CTNND2: variants seen among roughly 807,000 people sequenced by gnomAD.
The protein encoded by CTNND2 is catenin delta-2.
CTNND2 carries 22 observed loss-of-function variants against 144.4 expected under a neutral mutation model. The observed-to-expected ratio is 0.15, with a 90% confidence interval of 0.11 to 0.22. The LOEUF (loss-of-function observed/expected upper bound fraction) is 0.22, where lower values mean the gene tolerates loss of function less well. Ranked by LOEUF, CTNND2 falls within the 10% of genes least tolerant of loss-of-function variation. The pLI is 1.00. For synonymous variants in CTNND2, 751 were observed against 695.6 expected, an observed-to-expected ratio of 1.08 and a Z score of -1.25; for missense variants, 1,353 against 1,618.8, an observed-to-expected ratio of 0.84 and a Z score of 2.82.
rs1446668077 is a variant in CTNND2, at chr5:11,880,538, C to CACT, written c.37+23276_37+23278dup. On this transcript the variant is annotated intron_variant, in intron 1 of 21. Transcript: ENST00000304623. ...CTACCACTACTACTACTACCACCAC[C>CACT]ACTACTACTACCACTACTACTGCTA... Among the ~76,000 whole-genome samples the CACT allele has an allele frequency of 1.3e-4, 18 of 137,202 alleles. No homozygotes were observed. In the South Asian group the frequency reaches 4.2e-3, roughly 32 times the overall value. The allele number at this position is 137,202 out of a possible 152,430, so 90.0% of individuals were successfully genotyped here.
chr5:11,537,609 A>G (rs1027715256), intron 3 of CTNND2, among the ~76,000 whole-genome samples: 4 of 152,146 alleles, frequency 2.6e-5, no homozygotes, highest in African/African-American at 7.2e-5. Context: ...CTGCTTTTAC[A>G]TGGAAAAGGA....
intron 16 of CTNND2, among the ~76,000 whole-genome samples, chr5:11,049,565 G>A (rs1745621951): frequency 6.6e-6 from 1 of 152,184 alleles, no homozygotes; most frequent in Non-Finnish European, 1.5e-5. Flanking sequence ...TGGCAAGCCT[G>A]CGAGTTTACC....
intron 12 of CTNND2, among the ~76,000 whole-genome samples, chr5:11,124,605 T>C (rs1228708231): frequency 5.9e-5 from 9 of 152,142 alleles, no homozygotes; most frequent in Admixed American, 3.9e-4. Context: ...CACTTTTTCT[T>C]CTCTCCTCCT....
chr5:11,363,680 T>C (rs117282769), intron 8 of CTNND2, among the ~76,000 whole-genome samples: 2 of 152,358 alleles, frequency 1.3e-5, no homozygotes, highest in East Asian at 3.9e-4. Context: ...AATAATCAAC[T>C]ATAAAAGCAG....
intron 1 of CTNND2, among the ~76,000 whole-genome samples, chr5:11,785,679 A>C (rs1790792363): frequency 1.3e-5 from 2 of 152,060 alleles, no homozygotes; most frequent in African/African-American, 4.8e-5. Context: ...CCTAAAAATT[A>C]TTATCAAAAT....
chr5:11,364,807 C>G lies in CTNND2; in HGVS notation c.1261G>C (p.Asp421His), dbSNP rs767542105. 3 of 1,613,952 alleles carry G rather than the reference C, an allele frequency of 1.9e-6. No homozygotes were observed. The highest frequency in any genetic ancestry group is 1.7e-5 in the Admixed American group (1 of 59,966). ...RALQSPEHHI[D>H]PIYEDRVYQK... Reference sequence around the variant, plus strand: ...TAGACGCGGTCTTCATAGATGGGATCTATGTGGTGTTCTGGGGACTGCAGG... The same window carrying G: ...TAGACGCGGTCTTCATAGATGGGATGTATGTGGTGTTCTGGGGACTGCAGG... The change falls in exon 8 of 22, where the codon GAT (aspartate) becomes CAT (histidine). Residue 421 changes from aspartate to histidine, a missense_variant. By Grantham distance (81) the Asp-to-His change is moderately conservative. This residue lies in a region of CTNND2 where 708 missense variants were observed against 706.4 expected (regional missense o/e 1.00). Transcript: ENST00000304623.
intron 2 of CTNND2, among the ~76,000 whole-genome samples, chr5:11,565,305 T>C (rs1020098879): frequency 6.6e-6 from 1 of 152,232 alleles, no homozygotes; most frequent in Non-Finnish European, 1.5e-5. Flanking sequence ...ACTTATTTAA[T>C]AAGATGGATA....
In CTNND2 at chr5:10,973,592, G is replaced by A. The variant is rs774354764; in HGVS notation, c.3539C>T (p.Pro1180Leu). The A allele has an allele frequency of 3.1e-6, 5 of 1,614,054 alleles. No individual in the cohort carries two copies. Residue 1180 changes from proline to leucine, a missense_variant, in exon 22 of 22, where the codon CCT becomes CTT. Physicochemically the swap from Pro to Leu is moderately conservative, Grantham distance 98 (BLOSUM62 -3). This residue lies in a region of CTNND2 where 459 missense variants were observed against 674.3 expected (regional missense o/e 0.68). Coordinates refer to ENST00000304623, the MANE Select transcript of CTNND2 (RefSeq NM_001332.4). This position sits in a 1 kb window ranked among gnomAD's most constrained non-coding sequence, Gnocchi z 5.6. The part of the protein sequence containing the change: ...SFFEDQVHHR[P>L]PASEYTMHLG... ...GTGCATGGTGTACTCGCTGGCGGGAGGGCGATGGTGGACCTGGTCCTCGAA... is the reference window on the plus strand; with the variant it reads ...GTGCATGGTGTACTCGCTGGCGGGAAGGCGATGGTGGACCTGGTCCTCGAA...
At chr5:11,561,000 A>G (rs1776640051) in intron 3 of CTNND2, among the ~76,000 whole-genome samples, 1 of 152,200 alleles carries the variant, frequency 6.6e-6, no homozygotes, top group African/African-American at 2.4e-5. Context: ...GCAGGTACTC[A>G]GGCAGGTCTC....
intron 9 of CTNND2, among the ~76,000 whole-genome samples, chr5:11,253,653 G>C (rs575024656): frequency 6.6e-6 from 1 of 152,136 alleles, no homozygotes; most frequent in Non-Finnish European, 1.5e-5. Context: ...TATCAGCAGT[G>C]TGAAAACAGA....
chr5:11,012,218 TG>T (rs2149525662), intron 18 of CTNND2, among the ~76,000 whole-genome samples: 1 of 151,958 alleles, frequency 6.6e-6, no homozygotes, highest in East Asian at 1.9e-4. Context: ...TTTCCCATCA[TG>T]GATGGGAAAA....
intron 15 of CTNND2, 53 bp downstream of exon 15, chr5:11,098,522 G>A (rs1751580152): frequency 1.4e-6 from 2 of 1,464,470 alleles, no homozygotes; most frequent in African/African-American, 1.4e-5. Flanking sequence ...ATTGTTTTCT[G>A]AGGAGTTGCT....
chr5:11,290,506 T>C (rs1748218839), intron 9 of CTNND2, among the ~76,000 whole-genome samples: 2 of 152,316 alleles, frequency 1.3e-5, no homozygotes, highest in Admixed American at 6.5e-5. Context: ...CACTTTTATA[T>C]TGAGAATTAC....
At chr5:11,470,954 GTATATATATATATA>G (rs71595821) in intron 3 of CTNND2, among the ~76,000 whole-genome samples, 1 of 63,250 alleles carries the variant, frequency 1.6e-5, no homozygotes, top group East Asian at 3.0e-4. Context: ...TTGATACAAA[GTATATATATATATA>G]TATATATATA....
chr5:11,618,317 C>T (rs961776166), intron 2 of CTNND2, among the ~76,000 whole-genome samples: 42 of 152,148 alleles, frequency 2.8e-4, no homozygotes, highest in African/African-American at 9.7e-4. Flanking sequence ...AGGATCAACA[C>T]GTTAAAGTTT....
At chr5:11,564,752 A>G (rs1776940470) in intron 3 of CTNND2, among the ~76,000 whole-genome samples, 192 bp downstream of exon 3, 1 of 152,262 alleles carries the variant, frequency 6.6e-6, no homozygotes, top group South Asian at 2.1e-4. Context: ...TAATTTTGTT[A>G]AAAGAGTTTC....
intron 2 of CTNND2, among the ~76,000 whole-genome samples, chr5:11,689,450 A>C (rs1195673123): frequency 6.6e-6 from 1 of 152,238 alleles, no homozygotes; most frequent in Non-Finnish European, 1.5e-5. Flanking sequence ...TCATTCTAAA[A>C]TACATATTAA....
At chr5:11,774,286 A>G (rs980531059) in intron 1 of CTNND2, among the ~76,000 whole-genome samples, 9 of 151,542 alleles carry the variant, frequency 5.9e-5, no homozygotes, top group Non-Finnish European at 1.0e-4. Flanking sequence ...AAGGACATGA[A>G]CTCATCATTT....
In CTNND2 at chr5:11,443,362, TG is replaced by T. The variant is rs1193273066; in HGVS notation, c.288-31294del. On this transcript the variant is annotated intron_variant, in intron 3 of 21. Transcript: ENST00000304623. ...TGTGGGGAGTGTGTGGGAGGGTGTG[TG>T]GGGGGGTGTGGCATGAGTGGGGGGT... Among the ~76,000 whole-genome samples the T allele has an allele frequency of 1.4e-3, 60 of 43,424 alleles. 8 individuals are homozygous for T. Among genetic ancestry groups the T allele is most frequent in the Non-Finnish European group, 1.3e-3 (32 of 24,946 alleles). 28.5% of individuals were successfully genotyped at this position (43,424 alleles called of 152,430 possible). A position where few individuals can be genotyped will look rare whatever the true frequency, so the allele number is the denominator to read the frequency against.
Sources: gnomAD v4.1 joint callset for allele counts (sites outside exome capture counted in the v4.1 genomes callset) on GRCh38, gnomAD v4.1.1 for gene constraint, gnomAD v4.1.1 regional missense constraint, Gnocchi (gnomAD v3.1) non-coding constraint, MANE v1.5 for transcripts, NCBI Gene and HGNC (gene_info 2026-07-23, HGNC 2026-07-21) for gene names.